Variants in TENM3 observed in about 807,000 individuals in gnomAD.
The protein encoded by TENM3 is teneurin transmembrane protein 3.
Under a neutral mutation model 255.1 loss-of-function variants are expected in TENM3, and 63 were observed. That is an observed-to-expected ratio of 0.25 (90% CI 0.20 to 0.30). TENM3 has a LOEUF of 0.30. Among genes scored for constraint, TENM3 ranks in the 10% least tolerant of loss-of-function variants. The pLI, the probability that TENM3 is intolerant of heterozygous loss-of-function variation, is 1.00. For synonymous variants in TENM3, 1,306 were observed against 1,322.3 expected (o/e 0.99, Z 0.27); for missense variants, 2,929 against 3,461.1 (o/e 0.85, Z 3.86).
the TENM3 span, among the ~76,000 whole-genome samples, chr4:181,712,713 T>C: frequency 6.6e-6 from 1 of 152,190 alleles, no homozygotes; most frequent in African/African-American, 2.4e-5. Context: ...ATTATACCAA[T>C]GTATGTTATA....
chr4:182,123,789 A>G, the TENM3 span, among the ~76,000 whole-genome samples: 1 of 152,202 alleles, frequency 6.6e-6, no homozygotes, highest in Non-Finnish European at 1.5e-5. Context: ...TACTCGACTC[A>G]GGGTTACCAC....
the TENM3 span, among the ~76,000 whole-genome samples, chr4:181,454,017 C>G: frequency 6.6e-6 from 1 of 152,100 alleles, no homozygotes; most frequent in Non-Finnish European, 1.5e-5. Context: ...ATAAGAAGTT[C>G]TAATGTCTGA....
chr4:182,769,249 A>T (rs947695552), intron 22 of TENM3, among the ~76,000 whole-genome samples: 15 of 152,124 alleles, frequency 9.9e-5, no homozygotes, highest in African/African-American at 3.6e-4. Context: ...TGTGGAGGTA[A>T]AGAAGAGTTA....
chr4:181,675,471 T>C, the TENM3 span, among the ~76,000 whole-genome samples: 109 of 152,220 alleles, frequency 7.2e-4, no homozygotes, highest in Non-Finnish European at 1.4e-3. Context: ...ATTTGGGAAA[T>C]AAACATTAAT....
chr4:182,010,540 T>A, the TENM3 span, among the ~76,000 whole-genome samples: 2 of 152,016 alleles, frequency 1.3e-5, no homozygotes, highest in Non-Finnish European at 2.9e-5. Context: ...TTAAAATAAC[T>A]CTGATTTTTC....
At chr4:182,272,973 G>T (rs10020591) in intron 1 of TENM3, among the ~76,000 whole-genome samples, 2,880 of 152,254 alleles carry the variant, frequency 0.019, 95 homozygotes, top group African/African-American at 0.066. Context: ...GAGTGACAAG[G>T]TTTGATTTAA....
At position 182,696,506 on chromosome 4, in the gene TENM3, C is replaced by G. The variant is rs563250596; in HGVS notation, c.2221+8155C>G. On this transcript the variant is annotated intron_variant, in intron 12 of 27. Coordinates refer to ENST00000511685, the MANE Select transcript of TENM3 (RefSeq NM_001080477.4). ...CTTTGGGAGGCCAAGGCGGGTAGAT[C>G]ACGAGGTCAGGAGATCGGGACCATC... 7.2e-5 allele frequency among the ~76,000 whole-genome samples: 11 copies of G among 152,236 alleles called. No individual in the cohort carries two copies. The South Asian group carries it at 2.1e-3, about 29-fold the overall frequency.
intron 1 of TENM3, among the ~76,000 whole-genome samples, chr4:182,243,764 A>G (rs1215092743): frequency 6.6e-6 from 1 of 152,138 alleles, no homozygotes; most frequent in East Asian, 1.9e-4. Context: ...AGTAAAATTC[A>G]TAGTCACATC....
At chr4:182,394,777 A>T (rs1361689544) in intron 3 of TENM3, among the ~76,000 whole-genome samples, 2 of 152,194 alleles carry the variant, frequency 1.3e-5, no homozygotes, top group African/African-American at 4.8e-5. Flanking sequence ...TAAACAATGG[A>T]TTGTCTAAAT....
intron 3 of TENM3, among the ~76,000 whole-genome samples, chr4:182,600,647 GA>G (rs1021961835): frequency 8.6e-5 from 13 of 150,706 alleles, no homozygotes; most frequent in African/African-American, 2.2e-4. Flanking sequence ...AAAACCAGAT[GA>G]AAAAAAAATC....
chr4:181,799,107 C>T, the TENM3 span, among the ~76,000 whole-genome samples: 3 of 152,154 alleles, frequency 2.0e-5, no homozygotes, highest in Admixed American at 6.5e-5. Context: ...TCCTTAGAAA[C>T]AATAATTCCT....
the TENM3 span, among the ~76,000 whole-genome samples, chr4:182,137,224 C>T: frequency 6.6e-6 from 1 of 152,082 alleles, no homozygotes; most frequent in Non-Finnish European, 1.5e-5. Flanking sequence ...TTTAAATGGA[C>T]CCCTTCTTGG....
chr4:181,854,363 A>G, the TENM3 span, among the ~76,000 whole-genome samples: 1 of 152,170 alleles, frequency 6.6e-6, no homozygotes, highest in African/African-American at 2.4e-5. Flanking sequence ...AGCAATCCGA[A>G]TTAGTCAGAA....
At position 182,796,708 on chromosome 4, in the gene TENM3, T is replaced by C; in HGVS notation, c.7285T>C (p.Phe2429Leu). ...TATTCCTGGATTCCCTGTTCCCAAATTTGATTTAACAGAACCTTCTTACGA... is the reference window on the plus strand; with the variant it reads ...TATTCCTGGATTCCCTGTTCCCAAACTTGATTTAACAGAACCTTCTTACGA... ...NAIPGFPVPK[F>L]DLTEPSYELV... Residue 2429 changes from phenylalanine to leucine, a missense_variant, in exon 27 of 28, where the codon TTT (phenylalanine) becomes CTT (leucine). Around this residue, in one of 6 missense-constraint regions of TENM3, gnomAD observed 476 missense variants for 480.1 expected, o/e 0.99. Coordinates refer to ENST00000511685, the MANE Select transcript of TENM3 (RefSeq NM_001080477.4). 1 of 1,613,002 alleles carries C rather than the reference T, an allele frequency of 6.2e-7. No individual in the cohort carries two copies. The highest frequency in any genetic ancestry group is 8.5e-7 in the Non-Finnish European group (1 of 1,179,388).
At chr4:181,713,466 G>T in the TENM3 span, among the ~76,000 whole-genome samples, 417 of 152,268 alleles carry the variant, frequency 2.7e-3, 1 homozygote, top group African/African-American at 9.1e-3. Context: ...AGGTATTGTA[G>T]TATCTCCTTT....
intron 1 of TENM3, among the ~76,000 whole-genome samples, chr4:182,226,848 C>T (rs762266188): frequency 4.0e-4 from 61 of 152,084 alleles, no homozygotes; most frequent in Admixed American, 3.3e-4. Context: ...TGCCACTCCA[C>T]CTATTCTCAT....
chr4:182,200,540 A>C (rs1754120013), intron 1 of TENM3, among the ~76,000 whole-genome samples: 1 of 152,352 alleles, frequency 6.6e-6, no homozygotes, highest in Middle Eastern at 3.4e-3. Flanking sequence ...TATGTATTTC[A>C]TCATAAAGAC....
the TENM3 span, among the ~76,000 whole-genome samples, chr4:181,633,857 A>G: frequency 6.6e-6 from 1 of 152,204 alleles, no homozygotes; most frequent in Non-Finnish European, 1.5e-5. Flanking sequence ...ATTCGTGTCA[A>G]CCCCTGCAAG....
At chr4:181,780,505 T>G in the TENM3 span, among the ~76,000 whole-genome samples, 1 of 152,344 alleles carries the variant, frequency 6.6e-6, no homozygotes, top group Middle Eastern at 3.4e-3. Context: ...CTTGTAAATT[T>G]GTTTGAGTTA....
Sources: gnomAD v4.1 joint callset for allele counts (sites outside exome capture counted in the v4.1 genomes callset) on GRCh38, gnomAD v4.1.1 for gene constraint, gnomAD v4.1.1 regional missense constraint, MANE v1.5 for transcripts, NCBI Gene and HGNC (gene_info 2026-07-23, HGNC 2026-07-21) for gene names.